Variants in HIPK1 observed in about 807,000 individuals in gnomAD.
HIPK1 encodes the protein homeodomain interacting protein kinase 1.
A neutral mutation model predicts 117.1 loss-of-function variants in HIPK1; 28 were observed. The ratio of observed to expected loss-of-function variants is 0.24; its 90% CI spans 0.18 to 0.33. The LOEUF is 0.33. Among genes scored for constraint, HIPK1 ranks in the 10% least tolerant of loss-of-function variants. The pLI, the probability that HIPK1 is intolerant of heterozygous loss-of-function variation, is 1.00. For missense variants in HIPK1, 1,122 were observed against 1,475.1 expected, an observed-to-expected ratio of 0.76 and a Z score of 3.92; for synonymous variants, 605 against 562.5, an observed-to-expected ratio of 1.08 and a Z score of -1.07.
At chr1:113,951,212 A>G in intron 2 of HIPK1, 1 of 983,082 alleles carries the variant, frequency 1.0e-6, no homozygotes, top group Non-Finnish European at 1.2e-6. Context: ...TTTCTTTTTG[A>G]ACCCACTTAT....
intron 1 of HIPK1, among the ~76,000 whole-genome samples, chr1:113,938,527 A>C (rs1330333433): frequency 6.6e-6 from 1 of 152,124 alleles, no homozygotes; most frequent in African/African-American, 2.4e-5. Flanking sequence ...AGATCTACTG[A>C]GTGGATTTAA....
At chr1:113,932,284 G>A (rs901786343) in intron 1 of HIPK1, 1 of 151,574 alleles carries the variant, frequency 6.6e-6, no homozygotes, top group Non-Finnish European at 1.5e-5. Flanking sequence ...CTTTCCCAGA[G>A]TGCTTAAGGA....
chr1:113,943,131 T>G (rs1031053448), intron 2 of HIPK1, among the ~76,000 whole-genome samples: 3 of 152,256 alleles, frequency 2.0e-5, no homozygotes, highest in Non-Finnish European at 4.4e-5. Context: ...TTTAACCATT[T>G]GGTACCACTC....
chr1:113,946,906 CTTCT>C (rs1351735635), intron 2 of HIPK1, among the ~76,000 whole-genome samples: 3 of 152,136 alleles, frequency 2.0e-5, no homozygotes, highest in Non-Finnish European at 4.4e-5. Context: ...TCAGGCATTC[CTTCT>C]TTATCACTAG....
chr1:113,955,790 T>G (rs542287038), intron 5 of HIPK1, 141 bp downstream of exon 5: 1 of 531,864 alleles, frequency 1.9e-6, no homozygotes, highest in South Asian at 3.2e-5. Flanking sequence ...TATTCCACCA[T>G]GTAGTAAAGG....
chr1:113,970,778 A>G (rs1672771741), intron 14 of HIPK1, among the ~76,000 whole-genome samples: 1 of 152,204 alleles, frequency 6.6e-6, no homozygotes, highest in Non-Finnish European at 1.5e-5. Flanking sequence ...TTTGTAGCAT[A>G]ACATAGTAGA....
chr1:113,973,137 T>G lies in HIPK1; in HGVS notation c.3258T>G (p.His1086Gln). The G allele has an allele frequency of 6.2e-7, 1 of 1,600,046 alleles. No homozygotes were observed. Residue 1086 changes from histidine to glutamine, a missense_variant, in exon 16 of 16, where the codon CAT (histidine) becomes CAG (glutamine). Physicochemically the swap from His to Gln is conservative, Grantham distance 24. Coordinates refer to ENST00000426820, the MANE Select transcript of HIPK1 (RefSeq NM_198268.3). ...PLSQAPYTFQHGSPLHSTGHP... is the reference protein window; with the variant it reads ...PLSQAPYTFQQGSPLHSTGHP... The stretch of plus-strand genomic sequence containing the variant: ...CCCAAGCCCCCTACACCTTCCAGCA[T>G]GGCAGCCCGCTACACTCGACAGGGC...
chr1:113,930,156 C>A (rs1669766108), intron 1 of HIPK1, among the ~76,000 whole-genome samples: 1 of 152,220 alleles, frequency 6.6e-6, no homozygotes, highest in South Asian at 2.1e-4. Flanking sequence ...GGGGAGGCTC[C>A]GGGCTGGTTT....
At chr1:113,965,283 C>T (rs1672373262) in intron 10 of HIPK1, among the ~76,000 whole-genome samples, 1 of 151,630 alleles carries the variant, frequency 6.6e-6, no homozygotes, top group South Asian at 2.1e-4. Flanking sequence ...CAAATCCGTT[C>T]CCATTTTTTT....
At chr1:113,969,219 G>T (rs1456417933) in intron 13 of HIPK1, among the ~76,000 whole-genome samples, 2 of 152,190 alleles carry the variant, frequency 1.3e-5, no homozygotes, top group Non-Finnish European at 2.9e-5. Context: ...ACTTGGAAGA[G>T]AAAATTTAGA....
intron 5 of HIPK1, 135 bp from the exon 6 acceptor site, chr1:113,956,492 T>G: frequency 1.9e-6 from 1 of 519,894 alleles, no homozygotes; most frequent in Non-Finnish European, 3.2e-6. Flanking sequence ...GATTAGATTT[T>G]CATAAAAAGA....
At position 113,967,938 on chromosome 1, in the gene HIPK1, G is replaced by C; in HGVS notation, c.2554G>C (p.Val852Leu). The C allele has an allele frequency of 6.2e-7, 1 of 1,605,900 alleles. No individual in the cohort carries two copies. Among genetic ancestry groups the C allele is most frequent in the Non-Finnish European group, 8.5e-7 (1 of 1,178,244 alleles). ...PSKKNKQSAP[V>L]SSKSSLDVLP... ...GAAGAAGAATAAGCAGTCAGCTCCA[G>C]TCTCTTCCAAGTGAGTCTGTGTTAC... The change falls in exon 12 of 16, where the codon GTC (valine) becomes CTC (leucine). Residue 852 changes from valine to leucine, a missense_variant. Val to Leu is a conservative substitution (Grantham distance 32, BLOSUM62 1). Around this residue, in one of 6 missense-constraint regions of HIPK1, gnomAD observed 731 missense variants for 860.4 expected, o/e 0.85. Transcript: ENST00000426820.
At chr1:113,932,376 T>G (rs1222631447) in intron 1 of HIPK1, among the ~76,000 whole-genome samples, 1 of 150,546 alleles carries the variant, frequency 6.6e-6, no homozygotes, top group Non-Finnish European at 1.5e-5. Flanking sequence ...ATCTGTTTTT[T>G]TTTTTTTTTT....
intron 2 of HIPK1, among the ~76,000 whole-genome samples, chr1:113,945,819 G>A (rs917289152): frequency 1.3e-5 from 2 of 152,080 alleles, no homozygotes; most frequent in Admixed American, 1.3e-4. Context: ...AGATTGTTTT[G>A]GCTATTTGGG....
intron 2 of HIPK1, among the ~76,000 whole-genome samples, chr1:113,952,560 T>C (rs1671437969): frequency 6.6e-6 from 1 of 152,194 alleles, no homozygotes; most frequent in Non-Finnish European, 1.5e-5. Flanking sequence ...GTGTTCTGCA[T>C]TACCTTTCTG....
chr1:113,948,191 G>A (rs528067072), intron 2 of HIPK1, among the ~76,000 whole-genome samples: 6 of 152,184 alleles, frequency 3.9e-5, no homozygotes, highest in Admixed American at 3.3e-4. Flanking sequence ...TTTTTGCTTC[G>A]TAGAGTTTGG....
rs1322945386 is a variant in HIPK1 at position 113,976,916 on chromosome 1, G to A, written c.*3404G>A. On this transcript the variant is annotated 3_prime_UTR_variant, in exon 16 of 16. Coordinates refer to ENST00000426820, the MANE Select transcript of HIPK1 (RefSeq NM_198268.3). ...AGTGTAGCCACTCTGGGCTCATAGG[G>A]ACACTTGGTCACTCCAGAGTTTTTA... The A allele has an allele frequency of 6.5e-6, 1 of 152,782 alleles. No individual in the cohort carries two copies. The highest frequency in any genetic ancestry group is 1.5e-5 in the Non-Finnish European group (1 of 68,044). The allele number at this position is 152,782 out of a possible 1,614,324, so 9.5% of individuals were successfully genotyped here. A position where few individuals can be genotyped will look rare whatever the true frequency, so the allele number is the denominator to read the frequency against.
chr1:113,961,241 A>T (rs1672082756), intron 8 of HIPK1, among the ~76,000 whole-genome samples: 1 of 152,234 alleles, frequency 6.6e-6, no homozygotes, highest in South Asian at 2.1e-4. Flanking sequence ...AAGATAAAGA[A>T]GACATGGTTA....
chr1:113,958,411 C>T, intron 8 of HIPK1, 120 bp downstream of exon 8: 1 of 678,928 alleles, frequency 1.5e-6, no homozygotes, highest in Non-Finnish European at 2.4e-6. Context: ...AAGAAGGTAA[C>T]TAAAATTGGG....
Sources: gnomAD v4.1 joint callset for allele counts (sites outside exome capture counted in the v4.1 genomes callset) on GRCh38, gnomAD v4.1.1 for gene constraint, gnomAD v4.1.1 regional missense constraint, MANE v1.5 for transcripts, NCBI Gene and HGNC (gene_info 2026-07-23, HGNC 2026-07-21) for gene names.